The following PRIM2 variants were observed in gnomAD, a reference collection of about 807,000 sequenced individuals.
PRIM2 encodes DNA primase large subunit.
PRIM2 carries 39 observed loss-of-function variants against 67.3 expected under a neutral mutation model. The ratio of observed to expected loss-of-function variants is 0.58; its 90% CI spans 0.45 to 0.76. The LOEUF is 0.76. PRIM2 is among the 30% of genes least tolerant of loss of function. The pLI, the probability that PRIM2 is intolerant of heterozygous loss-of-function variation, is 0.00. For synonymous variants in PRIM2, 143 were observed against 198.7 expected (o/e 0.72, Z 2.36); for missense variants, 398 against 598.7 (o/e 0.66, Z 3.50).
chr6:57,565,561 A>G (rs2127479671), intron 10 of PRIM2, among the ~76,000 whole-genome samples: 1 of 151,988 alleles, frequency 6.6e-6, no homozygotes, highest in Admixed American at 6.5e-5. Context: ...AGACAGGAGA[A>G]TTCTCCCTTC....
At chr6:57,324,165 A>G (rs371402892) in intron 3 of PRIM2, 36 bp from the exon 4 acceptor site, 35 of 1,155,796 alleles carry the variant, frequency 3.0e-5, no homozygotes, top group Middle Eastern at 2.1e-4. Context: ...TACCATTCTA[A>G]TGCATTTATT....
At chr6:57,378,637 G>T (rs574815646) in intron 5 of PRIM2, among the ~76,000 whole-genome samples, 181 of 152,256 alleles carry the variant, frequency 1.2e-3, no homozygotes, top group African/African-American at 3.4e-3. Flanking sequence ...CTTTTGCGAG[G>T]TGCCTGGGCA....
intron 7 of PRIM2, among the ~76,000 whole-genome samples, chr6:57,409,231 A>C (rs868513132): frequency 1.3e-4 from 19 of 151,646 alleles, no homozygotes; most frequent in Admixed American, 3.3e-4. Flanking sequence ...GCTGGAGTAC[A>C]CTAGCACGAT....
At chr6:57,496,093 A>G (rs1196035875) in intron 7 of PRIM2, among the ~76,000 whole-genome samples, 3 of 152,210 alleles carry the variant, frequency 2.0e-5, no homozygotes, top group Admixed American at 2.0e-4. Flanking sequence ...TGAAAGTCCA[A>G]ATTGGGGGAA....
At chr6:57,308,390 T>C in the PRIM2 span, among the ~76,000 whole-genome samples, 1 of 152,174 alleles carries the variant, frequency 6.6e-6, no homozygotes, top group Non-Finnish European at 1.5e-5. Context: ...CCCATAGTGT[T>C]GGGATTACAG....
In PRIM2 at chr6:57,324,210, G is replaced by A; in HGVS notation, c.268G>A (p.Glu90Lys). The A allele has an allele frequency of 6.3e-7, 1 of 1,588,152 alleles. No homozygotes were observed. The highest frequency in any genetic ancestry group is 8.6e-7 in the Non-Finnish European group (1 of 1,159,910). ...TGTCATTATTTTTAAGGAAAACTTAGAAGATGAATATGAACCACGAAGAAG... is the reference window on the plus strand; with the variant it reads ...TGTCATTATTTTTAAGGAAAACTTAAAAGATGAATATGAACCACGAAGAAG... ...KLKFSYRENL[E>K]DEYEPRRRDH... The change falls in exon 4 of 14, where the codon GAA becomes AAA. Residue 90 changes from glutamate to lysine, a missense_variant. Coordinates refer to ENST00000615550, the MANE Select transcript of PRIM2 (RefSeq NM_000947.5).
intron 7 of PRIM2, among the ~76,000 whole-genome samples, chr6:57,496,338 A>G (rs1187653726): frequency 1.3e-5 from 2 of 152,206 alleles, no homozygotes; most frequent in African/African-American, 2.4e-5. Context: ...TGGGCAGGTT[A>G]TATGTCTGGA....
chr6:57,349,817 A>G (rs1248571420), intron 5 of PRIM2, among the ~76,000 whole-genome samples: 1 of 152,172 alleles, frequency 6.6e-6, no homozygotes, highest in Non-Finnish European at 1.5e-5. Context: ...TTGCCTTGCT[A>G]ATACTAAAGT....
chr6:57,261,473 G>T, the PRIM2 span, among the ~76,000 whole-genome samples: 1 of 152,210 alleles, frequency 6.6e-6, no homozygotes, highest in Non-Finnish European at 1.5e-5. Flanking sequence ...AAACCAGAGG[G>T]CAAAGGAACA....
At chr6:57,361,838 A>G (rs950736569) in intron 5 of PRIM2, among the ~76,000 whole-genome samples, 9 of 152,240 alleles carry the variant, frequency 5.9e-5, no homozygotes, top group African/African-American at 2.2e-4. Context: ...ATTTCAGGAA[A>G]CAGAACAAGG....
chr6:57,614,749 C>T (rs1269836851), intron 12 of PRIM2, among the ~76,000 whole-genome samples: 2 of 152,340 alleles, frequency 1.3e-5, no homozygotes, highest in East Asian at 3.9e-4. Context: ...ACTTGGGAGG[C>T]TGAGGCAGGA....
chr6:57,323,074 C>G (rs1326432589), intron 3 of PRIM2, among the ~76,000 whole-genome samples: 4 of 148,242 alleles, frequency 2.7e-5, no homozygotes, highest in Non-Finnish European at 4.5e-5. Flanking sequence ...TAGTGCCTCC[C>G]TCATAGGGTT....
chr6:57,510,653 A>G (rs1774345555), intron 8 of PRIM2, among the ~76,000 whole-genome samples: 1 of 152,070 alleles, frequency 6.6e-6, no homozygotes, highest in Non-Finnish European at 1.5e-5. Context: ...TATTATTATT[A>G]TTAAACAAAA....
chr6:57,406,945 G>A (rs1448816234), intron 7 of PRIM2, among the ~76,000 whole-genome samples: 1 of 150,678 alleles, frequency 6.6e-6, no homozygotes, highest in Non-Finnish European at 1.5e-5. Context: ...GGTGAACAGT[G>A]TCATTGAGTT....
chr6:57,556,271 T>C (rs1211751641), intron 10 of PRIM2, among the ~76,000 whole-genome samples: 1 of 152,160 alleles, frequency 6.6e-6, no homozygotes, highest in African/African-American at 2.4e-5. Flanking sequence ...AATGACATTC[T>C]TCACAGAACT....
intron 10 of PRIM2, among the ~76,000 whole-genome samples, chr6:57,554,736 A>G (rs1441421923): frequency 6.6e-6 from 1 of 152,228 alleles, no homozygotes; most frequent in Non-Finnish European, 1.5e-5. Flanking sequence ...GTGTTAAGCC[A>G]TTAGTTTTCT....
the PRIM2 span, among the ~76,000 whole-genome samples, chr6:57,268,534 G>A: frequency 7.5e-3 from 1,147 of 152,098 alleles, 19 homozygotes; most frequent in African/African-American, 0.027. Context: ...TTTTAATTGA[G>A]TTTTAAAAAG....
the PRIM2 span, among the ~76,000 whole-genome samples, chr6:57,239,738 C>G: frequency 6.6e-6 from 1 of 152,220 alleles, no homozygotes; most frequent in East Asian, 1.9e-4. Flanking sequence ...AGAGCAAAAC[C>G]TTGTCTCCAA....
At chr6:57,630,126 A>G (rs1255195614) in intron 12 of PRIM2, among the ~76,000 whole-genome samples, 56 of 150,116 alleles carry the variant, frequency 3.7e-4, no homozygotes, top group African/African-American at 1.3e-3. Flanking sequence ...AAAAACCTCT[A>G]TTGCCTTTTT....
Sources: allele counts gnomAD v4.1 joint callset (sites outside exome capture counted in the v4.1 genomes callset), GRCh38; gene constraint gnomAD v4.1.1; transcripts MANE v1.5; gene names NCBI Gene and HGNC (gene_info 2026-07-23, HGNC 2026-07-21).